KREMEN1: variants seen among roughly 807,000 people sequenced by gnomAD.
The protein encoded by KREMEN1 is kremen protein 1.
A neutral mutation model predicts 46.5 loss-of-function variants in KREMEN1; 30 were observed. The ratio of observed to expected loss-of-function variants is 0.65; its 90% CI spans 0.48 to 0.88. The LOEUF is 0.88. Ranked by LOEUF, KREMEN1 falls within the 40% of genes least tolerant of loss-of-function variation. The pLI, the probability that KREMEN1 is intolerant of heterozygous loss-of-function variation, is 0.00. For synonymous variants in KREMEN1, 214 were observed against 230.6 expected, an observed-to-expected ratio of 0.93 and a Z score of 0.65; for missense variants, 533 against 596.9, an observed-to-expected ratio of 0.89 and a Z score of 1.11.
At position 29,144,865 on chromosome 22, in the gene KREMEN1, G is replaced by A; in HGVS notation, c.*2753G>A. 1.0e-6 allele frequency: 1 copy of A among 985,544 alleles called. No individual in the cohort carries two copies. Among genetic ancestry groups the A allele is most frequent in the South Asian group, 4.7e-5 (1 of 21,296 alleles). The allele number at this position is 985,544 out of a possible 1,614,324, so 61.0% of individuals were successfully genotyped here. On this transcript the variant is annotated 3_prime_UTR_variant, in exon 9 of 9. Transcript: ENST00000400335. ...AATGTGCTGTCACAGCCTGCAGCGG[G>A]GGCAGCACTTCCTCGGAGGGCCTGG... is the stretch of plus-strand genomic sequence containing the variant.
intron 8 of KREMEN1, among the ~76,000 whole-genome samples, chr22:29,141,245 GTGTGTCTGCATGTGCA>G (rs1490408675): frequency 1.3e-5 from 2 of 149,582 alleles, no homozygotes; most frequent in African/African-American, 5.0e-5. Flanking sequence ...GTGTGTGTGT[GTGTGTCTGCATGTGCA>G]TGTGTGTGTG....
intron 1 of KREMEN1, among the ~76,000 whole-genome samples, chr22:29,078,581 G>A (rs1422843937): frequency 2.0e-5 from 3 of 151,934 alleles, no homozygotes; most frequent in South Asian, 2.1e-4. Flanking sequence ...ATTTAAAGTC[G>A]TTTTAAAAAA....
chr22:29,149,071 G>A (rs750184437), downstream of KREMEN1, among the ~76,000 whole-genome samples: 6 of 151,994 alleles, frequency 3.9e-5, no homozygotes, highest in East Asian at 1.9e-4. Flanking sequence ...CATGGAGTCC[G>A]TGCCCTTCAC....
At chr22:29,128,088 G>C (rs1036799023) in intron 5 of KREMEN1, among the ~76,000 whole-genome samples, 2 of 152,186 alleles carry the variant, frequency 1.3e-5, no homozygotes, top group Non-Finnish European at 2.9e-5. Context: ...GGAAGGGGAA[G>C]AATATGGAGT....
intron 5 of KREMEN1, among the ~76,000 whole-genome samples, chr22:29,132,099 G>A (rs371140770): frequency 1.8e-4 from 28 of 151,750 alleles, no homozygotes; most frequent in African/African-American, 5.6e-4. Flanking sequence ...CTCAAACTCC[G>A]GACCTCAGGT....
chr22:29,137,955 CAG>C (rs1393198915), intron 6 of KREMEN1, among the ~76,000 whole-genome samples: 1 of 152,196 alleles, frequency 6.6e-6, no homozygotes, highest in Non-Finnish European at 1.5e-5. Context: ...TTTAAAAAAA[CAG>C]AATAACTAAA....
At position 29,142,089 on chromosome 22, in the gene KREMEN1, C is replaced by G; in HGVS notation, c.1354C>G (p.Arg452Gly). The G allele has an allele frequency of 1.2e-6, 2 of 1,609,012 alleles. No homozygotes were observed. Among genetic ancestry groups the G allele is most frequent in the South Asian group, 2.2e-5 (2 of 90,172 alleles). Residue 452 changes from arginine to glycine, a missense_variant, in exon 9 of 9, where the codon CGC becomes GGC. By Grantham distance (125) the Arg-to-Gly change is moderately radical. Transcript: ENST00000400335. ...KLKGQSQQDD[R>G]NPLVSD ...CAAGGGTCAGAGTCAACAAGATGAC[C>G]GCAATCCCCTTGTGAGTGACTAAAA...
In KREMEN1 at chr22:29,167,465, C is replaced by T. The variant is rs571783373; in HGVS notation, c.*359C>T. On this transcript the variant is annotated 3_prime_UTR_variant, in exon 10 of 10. Transcript: ENST00000327813. ...GAGTGACATCCAGTTGCACCTTTCT[C>T]ACCTACTTTGGGACCTTTGGGGGTG... 1.0e-4 allele frequency: 22 copies of T among 213,282 alleles called. No individual in the cohort carries two copies. The East Asian group carries it at 2.4e-3, about 23-fold the overall frequency. 13.2% of individuals were successfully genotyped at this position (213,282 alleles called of 1,614,324 possible).
intron 9 of KREMEN1, among the ~76,000 whole-genome samples, chr22:29,158,940 T>G (rs2038985897): frequency 6.6e-6 from 1 of 152,036 alleles, no homozygotes; most frequent in Admixed American, 6.6e-5. Context: ...TGCCTCAGCC[T>G]CCCAAGTAGC....
chr22:29,093,068 G>C (rs2037827454), intron 1 of KREMEN1, among the ~76,000 whole-genome samples: 1 of 152,186 alleles, frequency 6.6e-6, no homozygotes, highest in Non-Finnish European at 1.5e-5. Context: ...TGCCATTCCA[G>C]ACAAAACACA....
exon 10 of KREMEN1, chr22:29,167,058 G>A (rs780849669): frequency 1.2e-4 from 187 of 1,551,488 alleles, no homozygotes; most frequent in Non-Finnish European, 1.5e-4. Context: ...TTCAGGACTC[G>A]GAAGTGACAT....
At chr22:29,141,303 G>GTA (rs973033914) in intron 8 of KREMEN1, among the ~76,000 whole-genome samples, 1 of 151,968 alleles carries the variant, frequency 6.6e-6, no homozygotes, top group African/African-American at 2.4e-5. Flanking sequence ...GTGTGTCTGT[G>GTA]TGTGTGTGTA....
Position 29,146,315 on chromosome 22 carries a change from G to A in KREMEN1, c.*4203G>A. ...TTCCAGCCACAGCTGTCTCCCCTCA[G>A]GCTGGACGGCTCCGGGGTGACAGGG... is the stretch of plus-strand genomic sequence containing the variant. On this transcript the variant is annotated 3_prime_UTR_variant, in exon 9 of 9. Coordinates refer to ENST00000400335, the MANE Select transcript of KREMEN1 (RefSeq NM_001039570.3). 4 of 985,934 alleles carry A rather than the reference G, an allele frequency of 4.1e-6. No homozygotes were observed. The highest frequency in any genetic ancestry group is 4.8e-6 in the Non-Finnish European group (4 of 830,004). The allele number at this position is 985,934 out of a possible 1,614,324, so 61.1% of individuals were successfully genotyped here.
chr22:29,094,571 T>TCACACACA, intron 2 of KREMEN1, 151 bp downstream of exon 2: 1 of 340,286 alleles, frequency 2.9e-6, no homozygotes, highest in Non-Finnish European at 5.0e-6. Context: ...CTTTCACACC[T>TCACACACA]TACACACACA....
Position 29,137,347 on chromosome 22 carries a change from G to T in KREMEN1, c.637G>T (p.Val213Leu). The change falls in exon 6 of 9, where the codon GTG becomes TTG. Residue 213 changes from valine to leucine, a missense_variant. Physicochemically the swap from Val to Leu is conservative, Grantham distance 32. Transcript: ENST00000400335. ...DGRIILFDTL[V>L]GACGGNYSAM... Reference sequence around the variant, plus strand: ...TGTCTTTTTCTCTCCTACAGCTCTCGTGGGCGCCTGCGGTGGGAACTACTC... The same window carrying T: ...TGTCTTTTTCTCTCCTACAGCTCTCTTGGGCGCCTGCGGTGGGAACTACTC... The T allele has an allele frequency of 6.8e-7, 1 of 1,476,794 alleles. No individual in the cohort carries two copies. The highest frequency in any genetic ancestry group is 1.5e-5 in the South Asian group (1 of 67,548). 91.5% of individuals were successfully genotyped at this position (1,476,794 alleles called of 1,614,324 possible).
At chr22:29,152,193 C>T (rs1250432836) in intron 9 of KREMEN1, among the ~76,000 whole-genome samples, 2 of 152,086 alleles carry the variant, frequency 1.3e-5, no homozygotes, top group Non-Finnish European at 2.9e-5. Flanking sequence ...CAGAGAGGCT[C>T]CATCCTCCTG....
At chr22:29,151,666 G>A (rs1333442932), downstream of KREMEN1, among the ~76,000 whole-genome samples, 2 of 152,102 alleles carry the variant, frequency 1.3e-5, no homozygotes, top group South Asian at 2.1e-4. Context: ...CATGTGTCAC[G>A]AAATGCTACA....
chr22:29,094,432 CCA>C lies in KREMEN1; in HGVS notation c.260+14_260+15del. 6.2e-7 allele frequency: 1 copy of C among 1,601,762 alleles called. No individual in the cohort carries two copies. The highest frequency in any genetic ancestry group is 8.5e-7 in the Non-Finnish European group (1 of 1,175,092). On this transcript the variant is annotated intron_variant, in intron 2 of 8. Coordinates refer to ENST00000400335, the MANE Select transcript of KREMEN1 (RefSeq NM_001039570.3). The stretch of plus-strand genomic sequence containing the variant: ...CACAACTATTGCAGGTAAGATGGGG[CCA>C]CTCAGTACTTTAAAAAGATAGATAT...
At chr22:29,139,868 C>T (rs1267831963) in intron 7 of KREMEN1, among the ~76,000 whole-genome samples, 1 of 152,184 alleles carries the variant, frequency 6.6e-6, no homozygotes, top group Non-Finnish European at 1.5e-5. Context: ...TCCTGTGCGT[C>T]ATTAGGCTGT....
Sources: gnomAD v4.1 joint callset for allele counts (sites outside exome capture counted in the v4.1 genomes callset) on GRCh38, gnomAD v4.1.1 for gene constraint, MANE v1.5 for transcripts, NCBI Gene and HGNC (gene_info 2026-07-23, HGNC 2026-07-21) for gene names.